Variants in ATP8B1 observed in about 807,000 individuals in gnomAD.
The protein encoded by ATP8B1 is phospholipid-transporting ATPase IC.
Under a neutral mutation model 149.9 loss-of-function variants are expected in ATP8B1, and 80 were observed. That is an observed-to-expected ratio of 0.53 (90% CI 0.45 to 0.64). The LOEUF (loss-of-function observed/expected upper bound fraction) is 0.64, where lower values mean the gene tolerates loss of function less well. ATP8B1 is among the 30% of genes least tolerant of loss of function. The pLI is 0.00. For synonymous variants in ATP8B1, 536 were observed against 562.8 expected, an observed-to-expected ratio of 0.95 and a Z score of 0.67; for missense variants, 1,247 against 1,552.6, an observed-to-expected ratio of 0.80 and a Z score of 3.31.
At chr18:57,754,445 A>AAAAT (rs1568055301) in intron 1 of ATP8B1, among the ~76,000 whole-genome samples, 2 of 136,038 alleles carry the variant, frequency 1.5e-5, no homozygotes, top group Admixed American at 1.4e-4. Context: ...CTAACAAAAA[A>AAAAT]ATATATATAT....
At chr18:57,665,487 A>T (rs754702581) in intron 20 of ATP8B1, among the ~76,000 whole-genome samples, 57 of 152,220 alleles carry the variant, frequency 3.7e-4, no homozygotes, top group Non-Finnish European at 6.6e-4. Context: ...ATAGTAATTA[A>T]TCAGATTACT....
At chr18:57,795,982 A>G (rs564251398) in intron 1 of ATP8B1, among the ~76,000 whole-genome samples, 39 of 152,274 alleles carry the variant, frequency 2.6e-4, no homozygotes, top group African/African-American at 8.2e-4. Context: ...CAGCCTGGCC[A>G]ACATGGTGAA....
intron 1 of ATP8B1, among the ~76,000 whole-genome samples, chr18:57,764,751 A>C (rs2080194189): frequency 1.1e-5 from 1 of 90,624 alleles, no homozygotes; most frequent in African/African-American, 4.6e-5. Context: ...TTTCACTTTC[A>C]GTTGTCAAAA....
intron 1 of ATP8B1, among the ~76,000 whole-genome samples, chr18:57,787,830 T>C (rs1488897555): frequency 6.6e-6 from 1 of 152,202 alleles, no homozygotes; most frequent in African/African-American, 2.4e-5. Context: ...ATAGGCCTCA[T>C]TTAAAATTTT....
intron 2 of ATP8B1, among the ~76,000 whole-genome samples, chr18:57,719,419 G>A (rs940043989): frequency 3.9e-5 from 6 of 152,204 alleles, no homozygotes; most frequent in Admixed American, 6.5e-5. Flanking sequence ...TGCGCGAGCC[G>A]AAGCAAGGCG....
chr18:57,698,817 G>A (rs973284175), intron 6 of ATP8B1, among the ~76,000 whole-genome samples: 3 of 152,138 alleles, frequency 2.0e-5, no homozygotes, highest in Non-Finnish European at 4.4e-5. Context: ...CTTTGCTCAC[G>A]TCTTGACATC....
chr18:57,749,263 C>A (rs952400), intron 1 of ATP8B1, among the ~76,000 whole-genome samples: 11,999 of 152,074 alleles, frequency 0.079, 755 homozygotes, highest in East Asian at 0.24. Context: ...CAGCCCCTAC[C>A]CCACAAAGGC....
At chr18:57,694,348 C>A (rs1912693067) in intron 11 of ATP8B1, among the ~76,000 whole-genome samples, 1 of 152,024 alleles carries the variant, frequency 6.6e-6, no homozygotes, top group Admixed American at 6.6e-5. Flanking sequence ...CACCCTACAA[C>A]CGAAATTTCC....
chr18:57,746,160 CTG>C lies in ATP8B1; in HGVS notation c.-25-14330_-25-14329del, dbSNP rs551257786. ...TTTGCACTGAAAGATACATAATTCTCTGTGTGTTTTTCCTTCCAAAATAATCT... is the reference window on the plus strand; with the variant it reads ...TTTGCACTGAAAGATACATAATTCTCTGTGTTTTTCCTTCCAAAATAATCT... On this transcript the variant is annotated intron_variant, in intron 1 of 27. Transcript: ENST00000648908. 4.5e-3 allele frequency among the ~76,000 whole-genome samples: 686 copies of C among 152,300 alleles called. 7 individuals are homozygous for C. The highest frequency in any genetic ancestry group is 6.7e-3 in the Non-Finnish European group (456 of 68,030).
At chr18:57,787,799 G>GA (rs2080424562) in intron 1 of ATP8B1, among the ~76,000 whole-genome samples, 1 of 152,076 alleles carries the variant, frequency 6.6e-6, no homozygotes, top group Non-Finnish European at 1.5e-5. Context: ...TCAAAATAGA[G>GA]AAAAAACACC....
At position 57,668,172 on chromosome 18, in the gene ATP8B1, A is replaced by G. The variant is rs372769798; in HGVS notation, c.2209+257T>C. The G allele has an allele frequency of 1.7e-4, 237 of 1,410,670 alleles. No individual in the cohort carries two copies. The African/African-American group carries it at 3.2e-3, about 19-fold the overall frequency. The allele number at this position is 1,410,670 out of a possible 1,614,324, so 87.4% of individuals were successfully genotyped here. A position where few individuals can be genotyped will look rare whatever the true frequency, so the allele number is the denominator to read the frequency against. On this transcript the variant is annotated intron_variant, in intron 19 of 27. Coordinates refer to ENST00000648908, the MANE Select transcript of ATP8B1 (RefSeq NM_001374385.1). ...CGGGAACCCACGTCTGGCTGGAGAG[A>G]TAAGACCAATTATAATCAGCAAGAC...
At chr18:57,789,367 A>G (rs750979239) in intron 1 of ATP8B1, among the ~76,000 whole-genome samples, 2 of 152,166 alleles carry the variant, frequency 1.3e-5, no homozygotes, top group South Asian at 4.1e-4. Flanking sequence ...GGTTTTGTCA[A>G]TTACTAGTTC....
intron 1 of ATP8B1, among the ~76,000 whole-genome samples, chr18:57,758,494 C>G (rs569697158): frequency 1.6e-4 from 23 of 144,728 alleles, no homozygotes; most frequent in Admixed American, 7.6e-4. Flanking sequence ...AAAAAAAATA[C>G]AAAATTAGCC....
At chr18:57,736,043 A>G (rs1038617281) in intron 1 of ATP8B1, among the ~76,000 whole-genome samples, 10 of 122,650 alleles carry the variant, frequency 8.2e-5, no homozygotes, top group Non-Finnish European at 1.4e-4. Context: ...CTCATTGTTC[A>G]GCTCCTGCTT....
intron 18 of ATP8B1, 30 bp from the exon 19 acceptor site, chr18:57,668,570 A>AAAAG: frequency 2.1e-6 from 3 of 1,434,788 alleles, no homozygotes; most frequent in Non-Finnish European, 2.9e-6. Context: ...AAAAAAAAAA[A>AAAAG]GGAATTAGCA....
intron 17 of ATP8B1, among the ~76,000 whole-genome samples, chr18:57,671,229 T>A (rs1348986658): frequency 1.3e-5 from 2 of 152,162 alleles, no homozygotes; most frequent in African/African-American, 4.8e-5. Context: ...CTCAGTCCTA[T>A]AGACCTTGAA....
intron 1 of ATP8B1, among the ~76,000 whole-genome samples, chr18:57,758,783 C>T (rs2080112759): frequency 6.6e-6 from 1 of 151,986 alleles, no homozygotes; most frequent in Admixed American, 6.6e-5. Flanking sequence ...CACTAGAAGT[C>T]ACTTCTCAGG....
chr18:57,699,503 G>T (rs1044571492), intron 6 of ATP8B1, among the ~76,000 whole-genome samples: 4 of 151,878 alleles, frequency 2.6e-5, no homozygotes, highest in Non-Finnish European at 5.9e-5. Context: ...TTGGGAGGCC[G>T]AGGTGAGTGG....
intron 4 of ATP8B1, 127 bp downstream of exon 4, chr18:57,704,428 C>G: frequency 1.4e-6 from 1 of 710,032 alleles, no homozygotes; most frequent in Non-Finnish European, 2.5e-6. Flanking sequence ...GGCACTGTTC[C>G]TTTATGTACA....
Sources: allele counts gnomAD v4.1 joint callset (sites outside exome capture counted in the v4.1 genomes callset), GRCh38; gene constraint gnomAD v4.1.1; transcripts MANE v1.5; gene names NCBI Gene and HGNC (gene_info 2026-07-23, HGNC 2026-07-21).